CEP126: variants seen among roughly 807,000 people sequenced by gnomAD.
CEP126 encodes the protein centrosomal protein 126, also known as centrosomal protein of 126 kDa.
Under a neutral mutation model 107.8 loss-of-function variants are expected in CEP126, and 74 were observed. That is an observed-to-expected ratio of 0.69 (90% CI 0.57 to 0.83). CEP126 has a LOEUF of 0.83. Ranked by LOEUF, CEP126 falls within the 40% of genes least tolerant of loss-of-function variation. The probability of loss-of-function intolerance (pLI) is 0.00; values close to 1 mark genes in which losing one functional copy is unlikely to be tolerated. For synonymous variants in CEP126, 449 were observed against 446.0 expected, an observed-to-expected ratio of 1.01 and a Z score of -0.08; for missense variants, 1,237 against 1,281.9, an observed-to-expected ratio of 0.96 and a Z score of 0.53.
Position 101,963,134 on chromosome 11 carries a change from C to G in CEP126, c.2099C>G (p.Thr700Ser). 1 of 1,614,078 alleles carries G rather than the reference C, an allele frequency of 6.2e-7. No homozygotes were observed. The highest frequency in any genetic ancestry group is 8.5e-7 in the Non-Finnish European group (1 of 1,180,004). Residue 700 changes from threonine to serine, a missense_variant, in exon 6 of 11, where the codon ACT becomes AGT. Physicochemically the swap from Thr to Ser is moderately conservative, Grantham distance 58 (BLOSUM62 1). Transcript: ENST00000263468. Reference sequence around the variant, plus strand: ...GATTCTATCTCTGAAAATGTTACGACTTTAGGAGGATCTGGAGCAGACCAT... The same window carrying G: ...GATTCTATCTCTGAAAATGTTACGAGTTTAGGAGGATCTGGAGCAGACCAT... Reference protein sequence around the residue: ...REDSISENVTTLGGSGADHMP... With the variant: ...REDSISENVTSLGGSGADHMP...
intron 3 of CEP126, among the ~76,000 whole-genome samples, chr11:101,947,411 T>G (rs1940751467): frequency 6.6e-6 from 1 of 152,084 alleles, no homozygotes; most frequent in African/African-American, 2.4e-5. Context: ...AAATAGAGTA[T>G]GTTGAATACC....
At position 101,998,943 on chromosome 11, in the gene CEP126, T is replaced by C. The variant is rs1419532136; in HGVS notation, c.*1300T>C. On this transcript the variant is annotated 3_prime_UTR_variant, in exon 11 of 11. Coordinates refer to ENST00000263468, the MANE Select transcript of CEP126 (RefSeq NM_020802.4). ...CCCATGTTCTTTCTGCCACACCATG[T>C]TAGTAGAAATGGAAACTATTGGATG... is the stretch of plus-strand genomic sequence containing the variant. The C allele has an allele frequency of 6.6e-6, 1 of 152,132 alleles. No individual in the cohort carries two copies. The highest frequency in any genetic ancestry group is 1.9e-4 in the East Asian group (1 of 5,198). The allele number at this position is 152,132 out of a possible 1,614,324, so 9.4% of individuals were successfully genotyped here.
In CEP126 at chr11:101,986,873, G is replaced by A; in HGVS notation, c.3076G>A (p.Val1026Met). 1 of 1,613,830 alleles carries A rather than the reference G, an allele frequency of 6.2e-7. No homozygotes were observed. The highest frequency in any genetic ancestry group is 8.5e-7 in the Non-Finnish European group (1 of 1,179,858). Residue 1026 changes from valine (V) to methionine (M), a missense_variant, in exon 9 of 11, where the codon GTG (valine) becomes ATG (methionine). Around this residue, in one of 3 missense-constraint regions of CEP126, gnomAD observed 99 missense variants for 114.4 expected, o/e 0.87. Transcript: ENST00000263468. Reference sequence around the variant, plus strand: ...TGAGTTTTTGATGGCTGAAAACTTAGTGAAAGCATCAGTGCCGGAGGATGA... The same window carrying A: ...TGAGTTTTTGATGGCTGAAAACTTAATGAAAGCATCAGTGCCGGAGGATGA... ...TSEFLMAENL[V>M]KASVPEDEIL...
chr11:101,956,568 C>T (rs759916994), intron 4 of CEP126: 19 of 456,312 alleles, frequency 4.2e-5, no homozygotes, highest in Non-Finnish European at 7.9e-5. Context: ...TCCTTTTCTT[C>T]AGCCTGTATA....
chr11:101,935,341 C>T (rs1306239521), intron 2 of CEP126, among the ~76,000 whole-genome samples: 3 of 151,880 alleles, frequency 2.0e-5, no homozygotes, highest in African/African-American at 7.2e-5. Flanking sequence ...TTTCAAAGAG[C>T]AGTTTTACAT....
At position 101,979,144 on chromosome 11, in the gene CEP126, A is replaced by T. The variant is rs151309466; in HGVS notation, c.2958+685A>T. On this transcript the variant is annotated intron_variant, in intron 7 of 10. Coordinates refer to ENST00000263468, the MANE Select transcript of CEP126 (RefSeq NM_020802.4). ...CAAGACTCCATCTCAAAAAGAAAAA[A>T]AAAAGCATGCTAATCATAAAGACAA... is the stretch of plus-strand genomic sequence containing the variant. Among the ~76,000 whole-genome samples the T allele has an allele frequency of 4.4e-3, 667 of 152,222 alleles. 5 individuals are homozygous for T. Among genetic ancestry groups the T allele is most frequent in the African/African-American group, 0.015 (641 of 41,530 alleles).
At chr11:101,937,126 T>C (rs1940595313) in intron 2 of CEP126, among the ~76,000 whole-genome samples, 1 of 152,206 alleles carries the variant, frequency 6.6e-6, no homozygotes. Flanking sequence ...TTATGTAATA[T>C]TTTTAAATAA....
chr11:101,984,719 A>T (rs945108443), intron 8 of CEP126, among the ~76,000 whole-genome samples: 4 of 152,222 alleles, frequency 2.6e-5, no homozygotes, highest in Non-Finnish European at 4.4e-5. Flanking sequence ...AAAAAAAGAC[A>T]TTGTAAATGA....
Position 101,961,991 on chromosome 11 carries a change from C to T in CEP126, c.956C>T (p.Ser319Leu), listed in dbSNP as rs1001723089. The T allele has an allele frequency of 5.0e-6, 8 of 1,612,116 alleles. No individual in the cohort carries two copies. The highest frequency in any genetic ancestry group is 1.3e-5 in the African/African-American group (1 of 74,848). Residue 319 changes from serine (S) to leucine (L), a missense_variant, in exon 6 of 11, where the codon TCA becomes TTA. Around this residue, in one of 3 missense-constraint regions of CEP126, gnomAD observed 1,134 missense variants for 1,150.5 expected, o/e 0.99. Transcript: ENST00000263468. ...AATTGGCTTACAAATTTAGATGCTTCAAATACTCAGAATGTCACAGCTTTC... is the reference window on the plus strand; with the variant it reads ...AATTGGCTTACAAATTTAGATGCTTTAAATACTCAGAATGTCACAGCTTTC... ...INNWLTNLDA[S>L]NTQNVTAFSD...
At chr11:101,947,942 T>C (rs1191567626) in intron 3 of CEP126, 89 bp from the exon 4 acceptor site, 1 of 513,344 alleles carries the variant, frequency 1.9e-6, no homozygotes, top group African/African-American at 2.0e-5. Flanking sequence ...TTTAAAGTAA[T>C]ATTTTATCAT....
chr11:101,989,269 G>A (rs568526584), intron 9 of CEP126, among the ~76,000 whole-genome samples: 1 of 152,232 alleles, frequency 6.6e-6, no homozygotes, highest in East Asian at 1.9e-4. Flanking sequence ...AATATTTTAT[G>A]TATCTATCAG....
intron 2 of CEP126, among the ~76,000 whole-genome samples, chr11:101,936,893 G>A (rs1940589009): frequency 6.6e-6 from 1 of 152,124 alleles, no homozygotes; most frequent in Non-Finnish European, 1.5e-5. Flanking sequence ...ATTTGGTAAT[G>A]ATATGTTATT....
chr11:101,977,742 A>C (rs1941208984), intron 6 of CEP126, among the ~76,000 whole-genome samples: 1 of 152,038 alleles, frequency 6.6e-6, no homozygotes, highest in African/African-American at 2.4e-5. Flanking sequence ...TACAAAAGTT[A>C]TTTTAGCCAC....
chr11:101,982,441 A>C (rs1388052956), intron 8 of CEP126, among the ~76,000 whole-genome samples: 1 of 152,224 alleles, frequency 6.6e-6, no homozygotes, highest in Non-Finnish European at 1.5e-5. Context: ...CTATAGACAG[A>C]AAAATAGTAT....
intron 10 of CEP126, among the ~76,000 whole-genome samples, chr11:101,994,656 C>T (rs1941421498): frequency 6.6e-6 from 1 of 152,098 alleles, no homozygotes; most frequent in African/African-American, 2.4e-5. Flanking sequence ...TTCTGTCAAC[C>T]TTGTTGAAGA....
chr11:101,993,018 T>C (rs1402730058), intron 10 of CEP126, 176 bp downstream of exon 10: 1 of 357,692 alleles, frequency 2.8e-6, no homozygotes, highest in Non-Finnish European at 3.9e-6. Flanking sequence ...TATGCAAATA[T>C]CCTGTCATTT....
At chr11:101,939,630 A>C (rs1940638679) in intron 2 of CEP126, among the ~76,000 whole-genome samples, 1 of 152,224 alleles carries the variant, frequency 6.6e-6, no homozygotes, top group Non-Finnish European at 1.5e-5. Context: ...GATGGTTGTT[A>C]ATTCATGTTG....
At chr11:101,964,898 A>G (rs1198929918) in intron 6 of CEP126, among the ~76,000 whole-genome samples, 6 of 152,182 alleles carry the variant, frequency 3.9e-5, no homozygotes, top group Non-Finnish European at 7.4e-5. Context: ...AAACAAGTGA[A>G]TACATGTAGT....
intron 7 of CEP126, among the ~76,000 whole-genome samples, chr11:101,981,205 C>A (rs983112547): frequency 6.6e-6 from 1 of 152,194 alleles, no homozygotes; most frequent in African/African-American, 2.4e-5. Context: ...TAGTCAGATG[C>A]TTTTAGCTAA....
Sources: gnomAD v4.1 joint callset for allele counts (sites outside exome capture counted in the v4.1 genomes callset) on GRCh38, gnomAD v4.1.1 for gene constraint, gnomAD v4.1.1 regional missense constraint, MANE v1.5 for transcripts, NCBI Gene and HGNC (gene_info 2026-07-23, HGNC 2026-07-21) for gene names.